Variants in PHKB observed in about 807,000 individuals in gnomAD.
PHKB encodes the protein phosphorylase b kinase regulatory subunit beta.
PHKB carries 122 observed loss-of-function variants against 152.1 expected under a neutral mutation model. The ratio of observed to expected loss-of-function variants is 0.80; its 90% CI spans 0.69 to 0.93. The LOEUF (loss-of-function observed/expected upper bound fraction) is 0.93. PHKB is among the 40% of genes least tolerant of loss of function. The pLI, the probability that PHKB is intolerant of heterozygous loss-of-function variation, is 0.00. For synonymous variants in PHKB, 436 were observed against 464.9 expected (o/e 0.94, Z 0.80); for missense variants, 1,304 against 1,328.4 (o/e 0.98, Z 0.29).
At chr16:47,501,682 CTT>C (rs1307294412) in intron 3 of PHKB, among the ~76,000 whole-genome samples, 1 of 152,138 alleles carries the variant, frequency 6.6e-6, no homozygotes, top group Non-Finnish European at 1.5e-5. Context: ...GACCAAAAGA[CTT>C]ATTCATTATA....
intron 1 of PHKB, 150 bp from the exon 2 acceptor site, chr16:47,497,249 A>G (rs993419566): frequency 1.4e-5 from 9 of 626,046 alleles, no homozygotes; most frequent in Middle Eastern, 4.3e-4. Flanking sequence ...TTGTTCCCCC[A>G]GCAAGAAGGT....
At chr16:47,461,605 A>G (rs1349428570) in intron 1 of PHKB, among the ~76,000 whole-genome samples, 179 bp downstream of exon 1, 1 of 152,202 alleles carries the variant, frequency 6.6e-6, no homozygotes, top group Non-Finnish European at 1.5e-5. Flanking sequence ...TCTAAAAATT[A>G]GGTGGCAGAG....
intron 1 of PHKB, among the ~76,000 whole-genome samples, chr16:47,489,584 C>T (rs768375741): frequency 2.0e-5 from 3 of 152,184 alleles, no homozygotes; most frequent in Non-Finnish European, 2.9e-5. Flanking sequence ...GGGTTTGTAT[C>T]CTCAAATACC....
At chr16:47,476,769 T>C (rs1262342841) in intron 1 of PHKB, among the ~76,000 whole-genome samples, 2 of 152,210 alleles carry the variant, frequency 1.3e-5, no homozygotes, top group Non-Finnish European at 2.9e-5. Context: ...AACTAGACTT[T>C]TATGCCTAGG....
intron 26 of PHKB, among the ~76,000 whole-genome samples, chr16:47,685,297 C>T (rs1054092474): frequency 2.2e-4 from 34 of 152,270 alleles, no homozygotes; most frequent in African/African-American, 7.9e-4. Context: ...TGGTGGCGCA[C>T]GCCTGTAATC....
chr16:47,472,008 A>G (rs887509894), intron 1 of PHKB, among the ~76,000 whole-genome samples: 1 of 152,188 alleles, frequency 6.6e-6, no homozygotes, highest in Non-Finnish European at 1.5e-5. Flanking sequence ...TTGAGCTGAG[A>G]TTGCACCACT....
At chr16:47,466,887 C>T (rs1969678839) in intron 1 of PHKB, among the ~76,000 whole-genome samples, 1 of 152,048 alleles carries the variant, frequency 6.6e-6, no homozygotes, top group Non-Finnish European at 1.5e-5. Flanking sequence ...GGGTTGTGGC[C>T]TCCTTTAAGA....
intron 16 of PHKB, 92 bp downstream of exon 16, chr16:47,641,784 A>G: frequency 2.6e-6 from 2 of 766,174 alleles, no homozygotes; most frequent in Non-Finnish European, 2.4e-6. Flanking sequence ...CACAGTTAAA[A>G]TCTGATTCTG....
chr16:47,679,627 C>G (rs569105995), intron 26 of PHKB, among the ~76,000 whole-genome samples: 23 of 152,284 alleles, frequency 1.5e-4, no homozygotes, highest in Middle Eastern at 3.4e-3. Flanking sequence ...TTTGTATCCT[C>G]AGACTTTGCT....
At chr16:47,621,696 TG>T (rs770165160) in intron 14 of PHKB, among the ~76,000 whole-genome samples, 2 of 152,220 alleles carry the variant, frequency 1.3e-5, no homozygotes, top group Non-Finnish European at 2.9e-5. Flanking sequence ...GAAGTTCTTA[TG>T]ATTATCTTAG....
At chr16:47,664,227 T>TG (rs1414766241) in intron 24 of PHKB, 2 of 153,566 alleles carry the variant, frequency 1.3e-5, no homozygotes, top group Admixed American at 1.3e-4. Context: ...TCCCAGAGAT[T>TG]GAAAAAAAAA....
intron 1 of PHKB, among the ~76,000 whole-genome samples, chr16:47,478,353 C>T (rs935161866): frequency 9.2e-5 from 14 of 151,932 alleles, no homozygotes; most frequent in Admixed American, 5.2e-4. Context: ...CAGAGTGCAG[C>T]GACCAATACC....
chr16:47,673,295 G>A (rs1036867094), intron 26 of PHKB, among the ~76,000 whole-genome samples: 10 of 152,112 alleles, frequency 6.6e-5, no homozygotes, highest in African/African-American at 9.7e-5. Context: ...GAGTCAGGTG[G>A]TTTGCTTTGA....
At chr16:47,678,379 C>G (rs1017934395) in intron 26 of PHKB, among the ~76,000 whole-genome samples, 14 of 152,198 alleles carry the variant, frequency 9.2e-5, no homozygotes, top group African/African-American at 3.1e-4. Flanking sequence ...AGTTCAGAGT[C>G]CCACCAACAG....
At chr16:47,648,476 G>A (rs1250880616) in intron 16 of PHKB, 57 bp from the exon 17 acceptor site, 3 of 1,145,372 alleles carry the variant, frequency 2.6e-6, no homozygotes, top group Admixed American at 1.7e-5. Flanking sequence ...ATACTCAGGG[G>A]TGAGAAAGTG....
intron 1 of PHKB, among the ~76,000 whole-genome samples, chr16:47,473,694 A>G (rs571844235): frequency 1.1e-4 from 17 of 152,298 alleles, no homozygotes; most frequent in Non-Finnish European, 2.4e-4. Flanking sequence ...CCTAAACATT[A>G]AGTGATTTCC....
intron 2 of PHKB, among the ~76,000 whole-genome samples, chr16:47,499,420 T>G (rs574607136): frequency 6.6e-6 from 1 of 152,354 alleles, no homozygotes; most frequent in Non-Finnish European, 1.5e-5. Context: ...TTATACTTAG[T>G]CTTTTGCTTC....
At chr16:47,528,618 G>A (rs911845417) in intron 6 of PHKB, among the ~76,000 whole-genome samples, 5 of 151,322 alleles carry the variant, frequency 3.3e-5, no homozygotes, top group Admixed American at 6.6e-5. Context: ...CATGGATAAG[G>A]TATCATGTAA....
intron 14 of PHKB, among the ~76,000 whole-genome samples, chr16:47,630,213 A>G (rs973972987): frequency 2.0e-5 from 3 of 152,046 alleles, no homozygotes; most frequent in African/African-American, 7.2e-5. Flanking sequence ...ATCAAAAAGC[A>G]GATAAGGCCT....
Sources: gnomAD v4.1 joint callset for allele counts (sites outside exome capture counted in the v4.1 genomes callset) on GRCh38, gnomAD v4.1.1 for gene constraint, MANE v1.5 for transcripts, NCBI Gene and HGNC (gene_info 2026-07-23, HGNC 2026-07-21) for gene names.